Variants in CCDC148 observed in about 807,000 individuals in gnomAD.
CCDC148 encodes the protein coiled-coil domain-containing protein 148.
CCDC148 carries 89 observed loss-of-function variants against 85.7 expected under a neutral mutation model. That is an observed-to-expected ratio of 1.04 (90% CI 0.87 to 1.24). The LOEUF (loss-of-function observed/expected upper bound fraction) is 1.24, where lower values mean the gene tolerates loss of function less well. CCDC148 is among the 50% of genes most tolerant of loss of function. CCDC148 has a pLI of 0.00. For missense variants in CCDC148, 692 were observed against 671.7 expected (o/e 1.03, Z -0.33); for synonymous variants, 230 against 213.9 (o/e 1.08, Z -0.66).
chr2:158,278,443 G>A (rs184760862), intron 9 of CCDC148, among the ~76,000 whole-genome samples: 29 of 152,312 alleles, frequency 1.9e-4, no homozygotes, highest in African/African-American at 5.5e-4. Context: ...CTTTTCCGAT[G>A]GGCTTAAAAA....
intron 10 of CCDC148, among the ~76,000 whole-genome samples, chr2:158,226,035 C>G (rs1022510024): frequency 6.6e-6 from 1 of 151,940 alleles, no homozygotes; most frequent in Non-Finnish European, 1.5e-5. Flanking sequence ...TTGAAAAGAT[C>G]AACAAAATTG....
intron 7 of CCDC148, among the ~76,000 whole-genome samples, chr2:158,324,836 A>G (rs1692690125): frequency 1.3e-5 from 2 of 152,110 alleles, no homozygotes; most frequent in Admixed American, 1.3e-4. Flanking sequence ...TACCAGCCAG[A>G]GTTCCACAGA....
intron 10 of CCDC148, among the ~76,000 whole-genome samples, chr2:158,222,313 A>T (rs890044462): frequency 3.3e-5 from 5 of 152,224 alleles, no homozygotes; most frequent in Admixed American, 1.3e-4. Context: ...TTCTGACACC[A>T]CTTGATCACT....
intron 2 of CCDC148, among the ~76,000 whole-genome samples, chr2:158,352,080 C>T (rs1683339491): frequency 1.4e-5 from 2 of 144,510 alleles, no homozygotes; most frequent in Admixed American, 1.4e-4. Flanking sequence ...ATCTGTACAT[C>T]ACCATCATCA....
intron 11 of CCDC148, among the ~76,000 whole-genome samples, chr2:158,209,887 G>A (rs1032913087): frequency 1.5e-5 from 2 of 133,942 alleles, no homozygotes; most frequent in Admixed American, 7.1e-5. Context: ...TCGACACTAT[G>A]AAGAAACTGT....
At position 158,313,908 on chromosome 2, in the gene CCDC148, A is replaced by C. The variant is rs770922427; in HGVS notation, c.765-14T>G. Reference sequence around the variant, plus strand: ...AGTTGACAGTTTCTAGAAGCAACAAAAATGTCACAACATATTATTGAGCAA... The same window carrying C: ...AGTTGACAGTTTCTAGAAGCAACAACAATGTCACAACATATTATTGAGCAA... On this transcript the variant is annotated splice_polypyrimidine_tract_variant and intron_variant, in intron 7 of 13. Coordinates refer to ENST00000283233, the MANE Select transcript of CCDC148 (RefSeq NM_138803.4). The C allele has an allele frequency of 6.2e-7, 1 of 1,609,016 alleles. No homozygotes were observed. The highest frequency in any genetic ancestry group is 1.1e-5 in the South Asian group (1 of 90,194).
chr2:158,357,340 A>C (rs1574685672), intron 2 of CCDC148, among the ~76,000 whole-genome samples: 1 of 152,288 alleles, frequency 6.6e-6, no homozygotes, highest in East Asian at 1.9e-4. Flanking sequence ...TCTTCAAGGC[A>C]AATAGTAGGC....
intron 1 of CCDC148, among the ~76,000 whole-genome samples, chr2:158,361,703 C>A (rs939107309): frequency 6.6e-6 from 1 of 152,146 alleles, no homozygotes; most frequent in South Asian, 2.1e-4. Flanking sequence ...ACAACCGGTA[C>A]CAGCCACTGC....
At chr2:158,313,451 C>T (rs759203113) in intron 8 of CCDC148, among the ~76,000 whole-genome samples, 1 of 152,222 alleles carries the variant, frequency 6.6e-6, no homozygotes, top group African/African-American at 2.4e-5. Context: ...GAGCATCTGG[C>T]TGTATGGACA....
Position 158,358,495 on chromosome 2 carries a change from G to A in CCDC148, c.101C>T (p.Ala34Val). Residue 34 changes from alanine to valine, a missense_variant, in exon 2 of 14, where the codon GCA becomes GTA. Transcript: ENST00000283233. ...YKPVDYQQLRALTEAKKLASA... is the reference protein window; with the variant it reads ...YKPVDYQQLRVLTEAKKLASA... ...AGCCAATTTCTTTGCTTCAGTTAAT[G>A]CACGCAATTGTTGATAGTCTACTGG... 6.2e-7 allele frequency: 1 copy of A among 1,607,624 alleles called. No homozygotes were observed. Among genetic ancestry groups the A allele is most frequent in the Non-Finnish European group, 8.5e-7 (1 of 1,177,858 alleles).
chr2:158,354,597 A>T (rs1683518838), intron 2 of CCDC148, among the ~76,000 whole-genome samples: 1 of 152,200 alleles, frequency 6.6e-6, no homozygotes, highest in African/African-American at 2.4e-5. Flanking sequence ...TAGCTTACCA[A>T]CCAAAAAGAG....
chr2:158,278,848 C>G (rs1438424440), intron 9 of CCDC148, among the ~76,000 whole-genome samples: 1 of 152,360 alleles, frequency 6.6e-6, no homozygotes, highest in East Asian at 1.9e-4. Context: ...CGACCCCTGA[C>G]CCCTGAGCAG....
chr2:158,263,296 A>G (rs1689311779), intron 9 of CCDC148, among the ~76,000 whole-genome samples: 1 of 152,056 alleles, frequency 6.6e-6, no homozygotes, highest in Non-Finnish European at 1.5e-5. Context: ...CGTAGAGGGC[A>G]CCTACCTGTT....
chr2:158,366,037 G>A (rs559725142), intron 1 of CCDC148: 2 of 1,543,038 alleles, frequency 1.3e-6, no homozygotes, highest in Admixed American at 4.0e-5. Context: ...TCTCTGAATT[G>A]TCATGAATGG....
intron 5 of CCDC148, among the ~76,000 whole-genome samples, chr2:158,339,306 G>A (rs946598624): frequency 6.6e-6 from 1 of 152,076 alleles, no homozygotes; most frequent in East Asian, 1.9e-4. Flanking sequence ...AAAGTACAGT[G>A]CAGTCACAGT....
At chr2:158,360,742 A>T (rs1276518966) in intron 1 of CCDC148, among the ~76,000 whole-genome samples, 3 of 152,162 alleles carry the variant, frequency 2.0e-5, no homozygotes, top group Admixed American at 6.5e-5. Context: ...AAGGCGGAAA[A>T]TTCCAAAAAC....
chr2:158,372,412 G>T (rs1273018729), intron 1 of CCDC148, among the ~76,000 whole-genome samples: 3 of 151,908 alleles, frequency 2.0e-5, no homozygotes, highest in Non-Finnish European at 4.4e-5. Flanking sequence ...CTTGAATGTG[G>T]GATCCATAAA....
At chr2:158,228,457 G>T (rs2105310270) in intron 10 of CCDC148, among the ~76,000 whole-genome samples, 1 of 152,162 alleles carries the variant, frequency 6.6e-6, no homozygotes, top group Admixed American at 6.5e-5. Context: ...CCCATTGCTG[G>T]GTATACACCC....
At chr2:158,394,858 C>G (rs1685459261) in intron 1 of CCDC148, among the ~76,000 whole-genome samples, 1 of 151,962 alleles carries the variant, frequency 6.6e-6, no homozygotes, top group South Asian at 2.1e-4. Flanking sequence ...CCTCCAACGC[C>G]AAAACTCTAT....
Sources: gnomAD v4.1 joint callset for allele counts (sites outside exome capture counted in the v4.1 genomes callset) on GRCh38, gnomAD v4.1.1 for gene constraint, MANE v1.5 for transcripts, NCBI Gene and HGNC (gene_info 2026-07-23, HGNC 2026-07-21) for gene names.